The following TAFA5 variants were observed in gnomAD, a reference collection of about 807,000 sequenced individuals.
The protein encoded by TAFA5 is TAFA chemokine like family member 5, also known as chemokine-like protein TAFA-5.
TAFA5 carries 6 observed loss-of-function variants against 15.3 expected under a neutral mutation model. That is an observed-to-expected ratio of 0.39 (90% CI 0.21 to 0.77). The LOEUF is 0.77. Among genes scored for constraint, TAFA5 ranks in the 30% least tolerant of loss-of-function variants. The probability of loss-of-function intolerance (pLI) is 0.41; values close to 1 mark genes in which losing one functional copy is unlikely to be tolerated. For synonymous variants in TAFA5, 103 were observed against 80.7 expected (o/e 1.28, Z -1.48); for missense variants, 161 against 193.1 (o/e 0.83, Z 0.98).
At chr22:48,529,696 G>A (rs995889115) in intron 1 of TAFA5, among the ~76,000 whole-genome samples, 85 of 151,904 alleles carry the variant, frequency 5.6e-4, no homozygotes, top group Non-Finnish European at 9.7e-4. Context: ...GTCCAGGTGG[G>A]ATTCCAGGGG....
chr22:48,539,824 C>G (rs1212873011), intron 1 of TAFA5, among the ~76,000 whole-genome samples: 1 of 152,210 alleles, frequency 6.6e-6, no homozygotes, highest in Non-Finnish European at 1.5e-5. Context: ...CGGCTGAGAA[C>G]TGGGTAACAA....
intron 1 of TAFA5, among the ~76,000 whole-genome samples, chr22:48,622,225 C>G (rs148683988): frequency 0.019 from 2,932 of 152,222 alleles, 38 homozygotes; most frequent in Middle Eastern, 0.044. Context: ...CCTGATTGCT[C>G]TATCCCCAAA....
At position 48,550,490 on chromosome 22, in the gene TAFA5, C is replaced by A. The variant is rs905831635; in HGVS notation, c.112+60786C>A. Among the ~76,000 whole-genome samples, 2 of 152,184 alleles carry A rather than the reference C, an allele frequency of 1.3e-5. No homozygotes were observed. Among genetic ancestry groups the A allele is most frequent in the African/African-American group, 4.8e-5 (2 of 41,450 alleles). ...GGAACCAGATGTGAGGGCTTTGACC[C>A]CCACGGAGCCAGGTGCCCCTGGGAA... On this transcript the variant is annotated intron_variant, in intron 1 of 3. Coordinates refer to ENST00000402357, the MANE Select transcript of TAFA5 (RefSeq NM_001082967.3). The surrounding 1 kb of genome is among the most constrained non-coding windows in gnomAD (Gnocchi z 4.1).
intron 1 of TAFA5, among the ~76,000 whole-genome samples, chr22:48,633,492 C>T (rs1038240252): frequency 1.1e-4 from 16 of 146,050 alleles, no homozygotes; most frequent in African/African-American, 3.4e-4. Context: ...CTGCTTTGCT[C>T]TGTGTCTGTC....
chr22:48,532,940 A>G (rs1236662720), intron 1 of TAFA5, among the ~76,000 whole-genome samples: 4 of 152,174 alleles, frequency 2.6e-5, no homozygotes. Context: ...AGGCCAAGAG[A>G]CATCCAGACA....
At chr22:48,507,265 A>AGTGGCCG (rs1409070281) in intron 1 of TAFA5, among the ~76,000 whole-genome samples, 1 of 150,852 alleles carries the variant, frequency 6.6e-6, no homozygotes, top group East Asian at 2.1e-4. Flanking sequence ...CAGTTGGAGG[A>AGTGGCCG]GAAGGAGACA....
intron 1 of TAFA5, among the ~76,000 whole-genome samples, chr22:48,643,357 T>C (rs1926751159): frequency 6.6e-6 from 1 of 152,164 alleles, no homozygotes; most frequent in Admixed American, 6.5e-5. Context: ...GTTTCAGGGC[T>C]CAGCACCGTC....
intron 2 of TAFA5, among the ~76,000 whole-genome samples, chr22:48,690,285 AC>A (rs1308521497): frequency 6.6e-6 from 1 of 152,082 alleles, no homozygotes; most frequent in Non-Finnish European, 1.5e-5. Flanking sequence ...TGTGCTGGAG[AC>A]CCACAGAGAA....
intron 1 of TAFA5, among the ~76,000 whole-genome samples, chr22:48,523,101 G>A (rs1374130531): frequency 6.6e-6 from 1 of 152,208 alleles, no homozygotes; most frequent in Non-Finnish European, 1.5e-5. Context: ...GGGAGCCACT[G>A]GTGCCCGTGT....
chr22:48,593,016 C>G (rs981939833), intron 1 of TAFA5, among the ~76,000 whole-genome samples: 6 of 151,516 alleles, frequency 4.0e-5, no homozygotes, highest in Non-Finnish European at 5.9e-5. Context: ...CTGAGTGGGG[C>G]GGGGGGGTCT....
At chr22:48,709,407 G>GT (rs919622525) in intron 3 of TAFA5, among the ~76,000 whole-genome samples, 20 of 152,044 alleles carry the variant, frequency 1.3e-4, no homozygotes, top group Non-Finnish European at 2.6e-4. Flanking sequence ...GTCCCTGCTG[G>GT]TTGGGGTTCC....
intron 1 of TAFA5, among the ~76,000 whole-genome samples, chr22:48,596,020 TAAG>T (rs1472932047): frequency 6.6e-6 from 1 of 152,264 alleles, no homozygotes; most frequent in Non-Finnish European, 1.5e-5. Flanking sequence ...ACTTTTGTAT[TAAG>T]AAAGCATGTT....
chr22:48,673,963 C>T (rs533517136), intron 2 of TAFA5, among the ~76,000 whole-genome samples: 18 of 152,238 alleles, frequency 1.2e-4, no homozygotes, highest in African/African-American at 3.9e-4. Context: ...AGTGAGGGCC[C>T]GTTCTGCCCC....
chr22:48,690,730 C>T (rs752862506), intron 2 of TAFA5, among the ~76,000 whole-genome samples: 3 of 152,304 alleles, frequency 2.0e-5, no homozygotes, highest in Non-Finnish European at 4.4e-5. Flanking sequence ...GGCCTGTGTC[C>T]CTCAAGCTGG....
At chr22:48,707,952 A>G in intron 3 of TAFA5, 108 bp downstream of exon 3, 4 of 1,434,384 alleles carry the variant, frequency 2.8e-6, no homozygotes, top group Non-Finnish European at 2.8e-6. Flanking sequence ...TGCTCACTCC[A>G]TCCTCATGCA....
chr22:48,616,728 C>T (rs1459618744), intron 1 of TAFA5, among the ~76,000 whole-genome samples: 1 of 152,170 alleles, frequency 6.6e-6, no homozygotes, highest in Non-Finnish European at 1.5e-5. Flanking sequence ...TGCAGAAAGC[C>T]CAGCGAGGTG....
intron 2 of TAFA5, among the ~76,000 whole-genome samples, chr22:48,667,644 T>C (rs1377521539): frequency 1.3e-5 from 2 of 152,176 alleles, no homozygotes; most frequent in Admixed American, 1.3e-4. Context: ...TCAATTTCTC[T>C]TATATTCTGA....
chr22:48,528,314 G>T (rs190699086), intron 1 of TAFA5, among the ~76,000 whole-genome samples: 3 of 152,312 alleles, frequency 2.0e-5, no homozygotes, highest in Non-Finnish European at 1.5e-5. Context: ...GGCATGAGTC[G>T]GTGCCACCTG....
chr22:48,656,728 ATTTT>A (rs140141634), intron 2 of TAFA5, among the ~76,000 whole-genome samples: 1 of 96,570 alleles, frequency 1.0e-5, no homozygotes. Context: ...ATGGAGTCTC[ATTTT>A]TTTTTCTTTT....
Sources: allele counts gnomAD v4.1 joint callset (sites outside exome capture counted in the v4.1 genomes callset), GRCh38; gene constraint gnomAD v4.1.1; non-coding constraint Gnocchi (gnomAD v3.1); transcripts MANE v1.5; gene names NCBI Gene and HGNC (gene_info 2026-07-23, HGNC 2026-07-21).